Variants in FRY observed in about 807,000 individuals in gnomAD.
FRY encodes FRY microtubule binding protein, also known as protein furry homolog.
A neutral mutation model predicts 348.4 loss-of-function variants in FRY; 128 were observed. That is an observed-to-expected ratio of 0.37 (90% CI 0.32 to 0.43). The LOEUF (loss-of-function observed/expected upper bound fraction) is 0.43. FRY is among the 20% of genes least tolerant of loss of function. The probability of loss-of-function intolerance (pLI) is 1.00; values close to 1 mark genes in which losing one functional copy is unlikely to be tolerated. For synonymous variants in FRY, 1,370 were observed against 1,374.7 expected, an observed-to-expected ratio of 1.00 and a Z score of 0.08; for missense variants, 2,736 against 3,695.2, an observed-to-expected ratio of 0.74 and a Z score of 6.73.
intron 1 of FRY, among the ~76,000 whole-genome samples, chr13:32,077,269 G>A (rs1875139813): frequency 6.6e-6 from 1 of 152,146 alleles, no homozygotes; most frequent in Admixed American, 6.5e-5. Context: ...GAGCAGAAAA[G>A]TGTTATGATT....
At chr13:32,119,444 A>G (rs1458654626) in intron 4 of FRY, among the ~76,000 whole-genome samples, 1 of 152,214 alleles carries the variant, frequency 6.6e-6, no homozygotes, top group Non-Finnish European at 1.5e-5. Flanking sequence ...TTAGAAATGT[A>G]TATGTCTTAC....
At chr13:32,235,616 T>A (rs112605040) in intron 42 of FRY, among the ~76,000 whole-genome samples, 1,964 of 152,230 alleles carry the variant, frequency 0.013, 18 homozygotes, top group Non-Finnish European at 0.02. Context: ...GAAGTGAGAC[T>A]CCATCTCAGA....
intron 23 of FRY, among the ~76,000 whole-genome samples, chr13:32,180,065 A>T (rs901131794): frequency 3.9e-5 from 6 of 152,226 alleles, no homozygotes; most frequent in Admixed American, 2.6e-4. Flanking sequence ...ACAACTAAAA[A>T]TGAAGATAGT....
intron 29 of FRY, among the ~76,000 whole-genome samples, chr13:32,201,010 G>C (rs947848554): frequency 6.6e-6 from 1 of 152,040 alleles, no homozygotes; most frequent in African/African-American, 2.4e-5. Flanking sequence ...GAATGCCGTG[G>C]CCCCCCTCCC....
At chr13:32,160,110 A>G (rs1306371428) in intron 16 of FRY, among the ~76,000 whole-genome samples, 1 of 152,254 alleles carries the variant, frequency 6.6e-6, no homozygotes, top group East Asian at 1.9e-4. Context: ...GTAATGTCAC[A>G]GAGCAAAATT....
chr13:32,208,746 T>A (rs1446781678), intron 31 of FRY, 107 bp from the exon 32 acceptor site: 2 of 1,363,066 alleles, frequency 1.5e-6, no homozygotes, highest in Admixed American at 1.7e-5. Context: ...TGTGAAAATG[T>A]TTTGTAAACG....
Position 32,161,318 on chromosome 13 carries a change from A to G in FRY, c.1892+67A>G, listed in dbSNP as rs1881432102. The G allele has an allele frequency of 3.1e-6, 3 of 966,186 alleles. No individual in the cohort carries two copies. In the Admixed American group the frequency reaches 5.1e-5, roughly 16 times the overall value. The allele number at this position is 966,186 out of a possible 1,614,324, so 59.9% of individuals were successfully genotyped here. On this transcript the variant is annotated intron_variant, in intron 17 of 60. Transcript: ENST00000542859. ...TTGTTGTGACTCCTGAAAAAAAAATAGAATGGTAGTTTACAATTAACAAAT... is the reference window on the plus strand; with the variant it reads ...TTGTTGTGACTCCTGAAAAAAAAATGGAATGGTAGTTTACAATTAACAAAT...
chr13:32,143,774 G>A (rs919836590), intron 11 of FRY, among the ~76,000 whole-genome samples: 42 of 152,182 alleles, frequency 2.8e-4, no homozygotes, highest in African/African-American at 9.7e-4. Context: ...TCCCTTGTTT[G>A]CTGCTTGATG....
At chr13:32,201,674 T>C (rs1884038725) in intron 29 of FRY, among the ~76,000 whole-genome samples, 1 of 152,256 alleles carries the variant, frequency 6.6e-6, no homozygotes, top group Non-Finnish European at 1.5e-5. Context: ...TCTTTTATCC[T>C]GGTGTCCCAG....
intron 3 of FRY, among the ~76,000 whole-genome samples, chr13:32,102,465 A>T (rs1877228921): frequency 2.0e-5 from 3 of 152,196 alleles, no homozygotes; most frequent in South Asian, 2.1e-4. Flanking sequence ...GGTACTGGTG[A>T]TACAAAATCT....
intron 55 of FRY, among the ~76,000 whole-genome samples, chr13:32,272,166 A>T (rs761110986): frequency 1.3e-5 from 2 of 152,206 alleles, no homozygotes; most frequent in African/African-American, 2.4e-5. Flanking sequence ...AATACATTTC[A>T]GACCTGCTTT....
At chr13:32,089,911 T>G (rs772294625) in intron 2 of FRY, among the ~76,000 whole-genome samples, 2 of 152,074 alleles carry the variant, frequency 1.3e-5, no homozygotes, top group Admixed American at 6.5e-5. Context: ...ATTTGGAAAG[T>G]TACTGGGGTC....
chr13:32,211,332 G>A (rs1055901633), intron 34 of FRY, among the ~76,000 whole-genome samples: 6 of 152,134 alleles, frequency 3.9e-5, no homozygotes, highest in African/African-American at 9.7e-5. Flanking sequence ...GGTGGCACGC[G>A]CCAGTACTCC....
intron 7 of FRY, among the ~76,000 whole-genome samples, chr13:32,128,571 C>T (rs372333427): frequency 5.9e-5 from 9 of 152,234 alleles, no homozygotes; most frequent in African/African-American, 2.2e-4. Context: ...AAGACAGCTG[C>T]GGTGTAATGG....
chr13:32,262,957 TCA>T (rs1887740973), intron 53 of FRY, among the ~76,000 whole-genome samples: 1 of 152,254 alleles, frequency 6.6e-6, no homozygotes, highest in Non-Finnish European at 1.5e-5. Flanking sequence ...TTAATGTCAA[TCA>T]CAGTCTTATG....
At chr13:32,174,131 G>T (rs1046068109) in intron 19 of FRY, among the ~76,000 whole-genome samples, 3 of 152,222 alleles carry the variant, frequency 2.0e-5, no homozygotes, top group Non-Finnish European at 4.4e-5. Flanking sequence ...GCTGGCATGG[G>T]TGGCCAAACC....
At position 32,297,340 on chromosome 13, in the gene FRY, AT is replaced by A. The variant is rs534699810; in HGVS notation, c.*1881del. 134 of 152,252 alleles carry A rather than the reference AT, an allele frequency of 8.8e-4. 1 individual carries two copies. The highest frequency in any genetic ancestry group is 8.4e-3 in the Admixed American group (128 of 15,288). The allele number at this position is 152,252 out of a possible 1,614,324, so 9.4% of individuals were successfully genotyped here. On this transcript the variant is annotated 3_prime_UTR_variant, in exon 61 of 61. Coordinates refer to ENST00000542859, the MANE Select transcript of FRY (RefSeq NM_023037.3). ...AACTGAATCATGATCTCTCTGAAAA[AT>A]ATCATAAAATAAAGGTTTCTGTGGC...
chr13:32,150,845 A>G (rs1880745428), intron 14 of FRY, among the ~76,000 whole-genome samples: 1 of 152,164 alleles, frequency 6.6e-6, no homozygotes, highest in Admixed American at 6.5e-5. Flanking sequence ...GCTCCTTCCC[A>G]CCACACCCCA....
At chr13:32,066,447 C>G (rs1874266488) in intron 1 of FRY, among the ~76,000 whole-genome samples, 1 of 152,138 alleles carries the variant, frequency 6.6e-6, no homozygotes, top group Admixed American at 6.5e-5. Flanking sequence ...GGTATACATC[C>G]CTAACAGTTT....
Sources: allele counts gnomAD v4.1 joint callset (sites outside exome capture counted in the v4.1 genomes callset), GRCh38; gene constraint gnomAD v4.1.1; transcripts MANE v1.5; gene names NCBI Gene and HGNC (gene_info 2026-07-23, HGNC 2026-07-21).